COQ8B: variants seen among roughly 807,000 people sequenced by gnomAD.
COQ8B encodes the protein coenzyme Q8B.
Under a neutral mutation model 62.0 loss-of-function variants are expected in COQ8B, and 44 were observed. That is an observed-to-expected ratio of 0.71 (90% confidence interval 0.56 to 0.91). The LOEUF (loss-of-function observed/expected upper bound fraction) is 0.91. Ranked by LOEUF, COQ8B falls within the 40% of genes least tolerant of loss-of-function variation. The pLI, the probability that COQ8B is intolerant of heterozygous loss-of-function variation, is 0.00. For synonymous variants in COQ8B, 252 were observed against 289.9 expected (o/e 0.87, Z 1.33); for missense variants, 649 against 731.6 (o/e 0.89, Z 1.30).
At chr19:40,715,306 T>C in intron 1 of COQ8B, 1 of 986,002 alleles carries the variant, frequency 1.0e-6, no homozygotes. Flanking sequence ...AAGCGTGCCC[T>C]GTCTGCCCTT....
intron 10 of COQ8B, 81 bp from the exon 11 acceptor site, chr19:40,700,532 A>G: frequency 2.0e-6 from 3 of 1,520,712 alleles, no homozygotes; most frequent in Non-Finnish European, 2.7e-6. Context: ...TTGTGCTCTC[A>G]GAAGTCCTCC....
At chr19:40,697,845 TATATATAGAG>T (rs2082027263) in intron 12 of COQ8B, among the ~76,000 whole-genome samples, 1 of 52,506 alleles carries the variant, frequency 1.9e-5, no homozygotes. Context: ...TATATATATA[TATATATAGAG>T]AGAGAGAGAG....
At chr19:40,708,770 A>G (rs777887681) in intron 5 of COQ8B, among the ~76,000 whole-genome samples, 28 of 147,464 alleles carry the variant, frequency 1.9e-4, no homozygotes, top group Non-Finnish European at 3.7e-4. Flanking sequence ...TCTACAAAAA[A>G]TACAAAAAAT....
intron 13 of COQ8B, among the ~76,000 whole-genome samples, chr19:40,695,321 TA>T (rs778764973): frequency 2.8e-3 from 179 of 64,238 alleles, no homozygotes; most frequent in Non-Finnish European, 2.8e-3. Context: ...CTGTCTCAAT[TA>T]AAAAAAAAAA....
intron 1 of COQ8B, 27 bp downstream of exon 1, chr19:40,716,560 A>G (rs2082186297): frequency 6.6e-6 from 1 of 152,222 alleles, no homozygotes; most frequent in African/African-American, 2.4e-5. Flanking sequence ...CAGAACAAGT[A>G]CTCTATACAT....
intron 4 of COQ8B, among the ~76,000 whole-genome samples, chr19:40,711,616 A>G (rs1433269851): frequency 6.6e-6 from 1 of 151,594 alleles, no homozygotes; most frequent in Non-Finnish European, 1.5e-5. Context: ...CCTCCCTTTG[A>G]TGTTATCTCT....
intron 12 of COQ8B, among the ~76,000 whole-genome samples, chr19:40,697,851 T>TATATATATATATAGAGAGAGAG (rs1446181673): frequency 1.8e-5 from 1 of 54,734 alleles, no homozygotes; most frequent in African/African-American, 9.8e-5. Context: ...TATATATATA[T>TATATATATATATAGAGAGAGAG]AGAGAGAGAG....
Position 40,693,745 on chromosome 19 carries a change from T to C in COQ8B, c.1210-708A>G, listed in dbSNP as rs552442586. Among the ~76,000 whole-genome samples the C allele has an allele frequency of 2.0e-5, 3 of 152,312 alleles. No homozygotes were observed. The East Asian group carries it at 5.8e-4, about 29-fold the overall frequency. ...GGGAGGATAAAGAAGGTGATGCCTG[T>C]GGCCTGCCTGGCGCTGTGTCTCATG... is the stretch of plus-strand genomic sequence containing the variant. On this transcript the variant is annotated intron_variant, in intron 13 of 14. Transcript: ENST00000324464.
chr19:40,693,124 T>C (rs565319249), intron 13 of COQ8B, 87 bp from the exon 14 acceptor site: 9 of 1,116,564 alleles, frequency 8.1e-6, no homozygotes, highest in Admixed American at 7.8e-5. Context: ...GGGCCTCCCA[T>C]GTACCCACCT....
chr19:40,693,545 C>T (rs2081990195), intron 13 of COQ8B, among the ~76,000 whole-genome samples: 1 of 152,182 alleles, frequency 6.6e-6, no homozygotes, highest in African/African-American at 2.4e-5. Context: ...AGCAGAGCAG[C>T]TCTCCAGCCA....
At chr19:40,715,469 C>T in intron 1 of COQ8B, 2 of 985,530 alleles carry the variant, frequency 2.0e-6, no homozygotes, top group Non-Finnish European at 1.2e-6. Flanking sequence ...CAACACAATT[C>T]CTTTGAATAC....
intron 5 of COQ8B, among the ~76,000 whole-genome samples, chr19:40,707,572 C>T (rs1292604451): frequency 6.6e-6 from 1 of 152,000 alleles, no homozygotes; most frequent in South Asian, 2.1e-4. Context: ...TGCCTTACCC[C>T]CCACCCAAGT....
chr19:40,702,846 C>T (rs376049667), intron 9 of COQ8B, among the ~76,000 whole-genome samples, 153 bp from the exon 10 acceptor site: 2 of 151,890 alleles, frequency 1.3e-5, no homozygotes, highest in Non-Finnish European at 1.5e-5. Context: ...CTGTCTCCCA[C>T]GCAGCTCCTG....
intron 12 of COQ8B, 117 bp downstream of exon 12, chr19:40,699,950 G>A (rs2144692681): frequency 1.0e-6 from 1 of 954,882 alleles, no homozygotes; most frequent in South Asian, 1.6e-5. Context: ...ACTTGGAAAA[G>A]GGCCACCCCT....
At chr19:40,714,776 C>T in intron 1 of COQ8B, 141 bp from the exon 2 acceptor site, 1 of 1,316,884 alleles carries the variant, frequency 7.6e-7, no homozygotes, top group East Asian at 2.9e-5. Context: ...ACAGTTTCTC[C>T]TGGTTCTCCC....
intron 12 of COQ8B, among the ~76,000 whole-genome samples, chr19:40,697,875 G>GAGAGAGAGAGAGAGAGAGAGTC (rs58313890): frequency 9.7e-6 from 1 of 103,474 alleles, no homozygotes; most frequent in Non-Finnish European, 1.9e-5. Flanking sequence ...GAGAGAGAGA[G>GAGAGAGAGAGAGAGAGAGAGTC]AGTTTCTACT....
intron 1 of COQ8B, chr19:40,715,462 C>T (rs1396742002): frequency 1.0e-6 from 1 of 985,478 alleles, no homozygotes; most frequent in African/African-American, 1.7e-5. Context: ...GCAGGCTCAA[C>T]ACAATTCCTT....
intron 10 of COQ8B, among the ~76,000 whole-genome samples, chr19:40,702,366 G>A (rs1568439595): frequency 6.6e-6 from 1 of 152,116 alleles, no homozygotes; most frequent in Non-Finnish European, 1.5e-5. Flanking sequence ...GTGGATATGC[G>A]GCCCATCTGA....
intron 14 of COQ8B, 70 bp downstream of exon 14, chr19:40,692,881 G>T: frequency 7.1e-7 from 1 of 1,400,828 alleles, no homozygotes; most frequent in Non-Finnish European, 1.0e-6. Flanking sequence ...GTTCCTCAGT[G>T]GAGATAAGCA....
Sources: gnomAD v4.1 joint callset for allele counts (sites outside exome capture counted in the v4.1 genomes callset) on GRCh38, gnomAD v4.1.1 for gene constraint, MANE v1.5 for transcripts, NCBI Gene and HGNC (gene_info 2026-07-23, HGNC 2026-07-21) for gene names.